CCDC171: variants seen among roughly 807,000 people sequenced by gnomAD.
CCDC171 encodes the protein coiled-coil domain-containing protein 171.
A neutral mutation model predicts 168.2 loss-of-function variants in CCDC171; 177 were observed. The ratio of observed to expected loss-of-function variants is 1.05; its 90% CI spans 0.93 to 1.19. CCDC171 has a LOEUF of 1.19. Ranked by LOEUF, CCDC171 falls within the 50% of genes most tolerant of loss-of-function variation. The probability of loss-of-function intolerance (pLI) is 0.00; values close to 1 mark genes in which losing one functional copy is unlikely to be tolerated. For synonymous variants in CCDC171, 687 were observed against 540.8 expected (o/e 1.27, Z -3.75); for missense variants, 1,991 against 1,539.0 (o/e 1.29, Z -4.91).
intron 2 of CCDC171, among the ~76,000 whole-genome samples, chr9:15,568,336 T>C (rs2039923531): frequency 1.3e-5 from 2 of 150,296 alleles, no homozygotes; most frequent in South Asian, 4.2e-4. Flanking sequence ...AGTGGCGCGA[T>C]CTTGGCTCGC....
At chr9:15,768,078 G>A (rs2056830060) in intron 18 of CCDC171, among the ~76,000 whole-genome samples, 3 of 149,722 alleles carry the variant, frequency 2.0e-5, no homozygotes, top group Admixed American at 2.0e-4. Flanking sequence ...GCAGTCCCAT[G>A]TATAGCCAGG....
At chr9:15,809,045 G>C (rs2059207914) in intron 21 of CCDC171, among the ~76,000 whole-genome samples, 1 of 152,104 alleles carries the variant, frequency 6.6e-6, no homozygotes. Flanking sequence ...TCCCGATTTT[G>C]AGTGCTCGTC....
chr9:15,658,017 T>C (rs2048066227), intron 8 of CCDC171, among the ~76,000 whole-genome samples: 1 of 152,216 alleles, frequency 6.6e-6, no homozygotes, highest in African/African-American at 2.4e-5. Flanking sequence ...TGGGTGCTTG[T>C]CGAGACAGAC....
At chr9:16,077,510 T>C in the CCDC171 span, among the ~76,000 whole-genome samples, 5 of 152,240 alleles carry the variant, frequency 3.3e-5, no homozygotes, top group African/African-American at 1.2e-4. Context: ...TGATGTGAGA[T>C]TATGCTCACC....
chr9:15,735,385 A>G (rs551632042), intron 16 of CCDC171, among the ~76,000 whole-genome samples: 1 of 152,204 alleles, frequency 6.6e-6, no homozygotes, highest in African/African-American at 2.4e-5. Flanking sequence ...TTTCTTTTCT[A>G]TTTGAAAAAG....
chr9:15,621,263 G>T (rs2044481921), intron 6 of CCDC171, among the ~76,000 whole-genome samples: 1 of 152,122 alleles, frequency 6.6e-6, no homozygotes, highest in Non-Finnish European at 1.5e-5. Context: ...CACTGTGCCT[G>T]ACCTCAATAA....
chr9:15,590,395 C>T (rs1392950705), intron 4 of CCDC171, among the ~76,000 whole-genome samples: 2 of 152,158 alleles, frequency 1.3e-5, no homozygotes, highest in Non-Finnish European at 2.9e-5. Context: ...TAACTAGGGA[C>T]ATTCTTATTT....
At chr9:15,603,070 C>T (rs1453729569) in intron 6 of CCDC171, among the ~76,000 whole-genome samples, 3 of 152,256 alleles carry the variant, frequency 2.0e-5, no homozygotes, top group South Asian at 2.1e-4. Flanking sequence ...CAACCTCCAC[C>T]TCCTGGGTTC....
At chr9:15,945,225 C>T (rs1457375064) in intron 25 of CCDC171, among the ~76,000 whole-genome samples, 1 of 150,148 alleles carries the variant, frequency 6.7e-6, no homozygotes, top group Non-Finnish European at 1.5e-5. Flanking sequence ...TTTTTTATGG[C>T]TGCATAGTAT....
At chr9:15,776,118 A>G (rs1287874431) in intron 18 of CCDC171, 1 of 152,094 alleles carries the variant, frequency 6.6e-6, no homozygotes, top group Non-Finnish European at 1.5e-5. Context: ...ATATAAAGCT[A>G]CTTAGTTCTT....
intron 11 of CCDC171, among the ~76,000 whole-genome samples, chr9:15,698,664 T>C (rs1205862104): frequency 1.4e-4 from 22 of 152,188 alleles, no homozygotes; most frequent in Non-Finnish European, 4.4e-5. Flanking sequence ...AGTATTCCAT[T>C]ATGTGTCTGT....
chr9:16,072,754 TC>T, the CCDC171 span, among the ~76,000 whole-genome samples: 3 of 152,114 alleles, frequency 2.0e-5, no homozygotes, highest in Non-Finnish European at 4.4e-5. Context: ...TTCCTTCTCG[TC>T]CTATTCGTTA....
intron 23 of CCDC171, among the ~76,000 whole-genome samples, chr9:15,857,954 T>A (rs149696289): frequency 8.5e-5 from 13 of 152,116 alleles, no homozygotes; most frequent in Non-Finnish European, 1.6e-4. Context: ...TATGTATATA[T>A]GCATATGTGT....
At chr9:15,802,554 A>G (rs1447886688) in intron 21 of CCDC171, among the ~76,000 whole-genome samples, 1 of 152,180 alleles carries the variant, frequency 6.6e-6, no homozygotes, top group Non-Finnish European at 1.5e-5. Flanking sequence ...AATGGTCTCC[A>G]GCTCCATCTA....
chr9:15,932,301 A>G (rs1169742979), intron 25 of CCDC171, among the ~76,000 whole-genome samples: 1 of 151,804 alleles, frequency 6.6e-6, no homozygotes, highest in African/African-American at 2.4e-5. Flanking sequence ...AAAATGTTAT[A>G]GTGTTCAGTA....
chr9:16,052,518 A>G (rs981182325), intron 1 of CCDC171, among the ~76,000 whole-genome samples: 10 of 152,180 alleles, frequency 6.6e-5, no homozygotes, highest in Non-Finnish European at 2.9e-5. Flanking sequence ...GAGGAAACTG[A>G]GGCCTAGGAA....
In CCDC171 at chr9:15,867,837, A is replaced by G. The variant is rs527899828; in HGVS notation, c.3469-6695A>G. Among the ~76,000 whole-genome samples, 136 of 152,150 alleles carry G rather than the reference A, an allele frequency of 8.9e-4. 1 individual carries two copies. The highest frequency in any genetic ancestry group is 2.6e-3 in the African/African-American group (106 of 41,542). ...TGTGTGGATGAGTGTTATCAATTCT[A>G]TTCTCAAGTATGGTTTTTTTGTTTG... On this transcript the variant is annotated intron_variant, in intron 23 of 25. Coordinates refer to ENST00000380701, the MANE Select transcript of CCDC171 (RefSeq NM_173550.4).
chr9:15,811,721 C>T (rs2135968679), intron 21 of CCDC171, among the ~76,000 whole-genome samples: 1 of 152,102 alleles, frequency 6.6e-6, no homozygotes, highest in East Asian at 1.9e-4. Flanking sequence ...GGTAGGCACC[C>T]CATGTTAGTG....
intron 21 of CCDC171, among the ~76,000 whole-genome samples, chr9:15,826,578 C>G (rs1053095454): frequency 6.6e-5 from 10 of 152,184 alleles, no homozygotes; most frequent in Admixed American, 2.0e-4. Flanking sequence ...AACCAGCCAT[C>G]ATTCTCTGGG....
Sources: gnomAD v4.1 joint callset for allele counts (sites outside exome capture counted in the v4.1 genomes callset) on GRCh38, gnomAD v4.1.1 for gene constraint, MANE v1.5 for transcripts, NCBI Gene and HGNC (gene_info 2026-07-23, HGNC 2026-07-21) for gene names.